The following FARS2 variants were observed in gnomAD, a reference collection of about 807,000 sequenced individuals.
FARS2 encodes the protein phenylalanyl-tRNA synthetase 2, mitochondrial, also known as phenylalanine--tRNA ligase, mitochondrial.
FARS2 carries 40 observed loss-of-function variants against 46.4 expected under a neutral mutation model. The ratio of observed to expected loss-of-function variants is 0.86; its 90% confidence interval spans 0.67 to 1.12. The LOEUF is 1.12. Among genes scored for constraint, FARS2 ranks in the 50% most tolerant of loss-of-function variants. FARS2 has a pLI of 0.00. For missense variants in FARS2, 513 were observed against 567.9 expected, an observed-to-expected ratio of 0.90 and a Z score of 0.98; for synonymous variants, 234 against 214.9, an observed-to-expected ratio of 1.09 and a Z score of -0.78.
At chr6:5,314,966 T>C (rs189757718) in intron 1 of FARS2, among the ~76,000 whole-genome samples, 2 of 152,302 alleles carry the variant, frequency 1.3e-5, no homozygotes, top group African/African-American at 4.8e-5. Context: ...TGTTCTCTCT[T>C]TAGGAAAATC....
chr6:5,587,590 A>G (rs780814963), intron 5 of FARS2, among the ~76,000 whole-genome samples: 5 of 152,228 alleles, frequency 3.3e-5, no homozygotes, highest in African/African-American at 4.8e-5. Context: ...ATTTGGAGAC[A>G]TAGATTTTCT....
At chr6:5,491,282 A>G (rs1767092050) in intron 4 of FARS2, among the ~76,000 whole-genome samples, 2 of 152,180 alleles carry the variant, frequency 1.3e-5, no homozygotes, top group South Asian at 4.1e-4. Context: ...AGTCATTTTT[A>G]TGTTTTCATT....
chr6:5,518,936 A>G (rs1466031830), intron 4 of FARS2, among the ~76,000 whole-genome samples: 1 of 152,224 alleles, frequency 6.6e-6, no homozygotes, highest in Non-Finnish European at 1.5e-5. Flanking sequence ...TTGAATGTTT[A>G]GAAGATTTTC....
At chr6:5,396,780 G>A (rs545714692) in intron 2 of FARS2, among the ~76,000 whole-genome samples, 158 of 152,302 alleles carry the variant, frequency 1.0e-3, no homozygotes, top group African/African-American at 3.8e-3. Context: ...CCTCTTGGTA[G>A]TAGTGGCAAG....
intron 5 of FARS2, among the ~76,000 whole-genome samples, chr6:5,577,834 C>T (rs746963089): frequency 1.3e-5 from 2 of 151,960 alleles, no homozygotes; most frequent in South Asian, 4.1e-4. Flanking sequence ...TGGAGTCTCA[C>T]TCTGTCGCCC....
rs114597177 is a variant in FARS2, at chr6:5,524,454, C to T, written c.905-20726C>T. 3.5e-3 allele frequency among the ~76,000 whole-genome samples: 538 copies of T among 152,314 alleles called. 2 individuals carry two copies. Among genetic ancestry groups the T allele is most frequent in the African/African-American group, 0.012 (506 of 41,568 alleles). ...AGAGGATTTAGAGAAGATGTATTAACGTAGGATATGAGTGATTTGTTCACA... is the reference window on the plus strand; with the variant it reads ...AGAGGATTTAGAGAAGATGTATTAATGTAGGATATGAGTGATTTGTTCACA... On this transcript the variant is annotated intron_variant, in intron 4 of 6. Coordinates refer to ENST00000274680, the MANE Select transcript of FARS2 (RefSeq NM_006567.5).
chr6:5,691,067 G>C (rs1485858299), intron 6 of FARS2, among the ~76,000 whole-genome samples: 1 of 151,962 alleles, frequency 6.6e-6, no homozygotes, highest in African/African-American at 2.4e-5. Context: ...TCCCTGCATT[G>C]GTTATTCCAG....
intron 1 of FARS2, among the ~76,000 whole-genome samples, chr6:5,367,482 T>C (rs551700098): frequency 6.6e-6 from 1 of 152,046 alleles, no homozygotes; most frequent in Admixed American, 6.6e-5. Context: ...AAGAAGACAC[T>C]GTGTGAGTGG....
intron 1 of FARS2, among the ~76,000 whole-genome samples, chr6:5,321,965 C>T (rs181418926): frequency 1.3e-5 from 2 of 152,184 alleles, no homozygotes; most frequent in African/African-American, 4.8e-5. Flanking sequence ...TCAACCAGCT[C>T]TTGGTGCTAA....
At chr6:5,315,468 T>G (rs748581663) in intron 1 of FARS2, among the ~76,000 whole-genome samples, 3 of 152,152 alleles carry the variant, frequency 2.0e-5, no homozygotes, top group Non-Finnish European at 4.4e-5. Context: ...TGTAATGAAA[T>G]TCACCACAGA....
chr6:5,386,148 T>G (rs1267609526), intron 2 of FARS2, among the ~76,000 whole-genome samples: 1 of 152,122 alleles, frequency 6.6e-6, no homozygotes, highest in African/African-American at 2.4e-5. Flanking sequence ...GGGGTAATAA[T>G]AGAAGGTGTC....
chr6:5,255,209 G>A, the FARS2 span, among the ~76,000 whole-genome samples: 2 of 152,090 alleles, frequency 1.3e-5, no homozygotes, highest in East Asian at 3.9e-4. Context: ...GACCTTTCAG[G>A]GGATCCACCA....
chr6:5,521,679 T>C (rs1769147351), intron 4 of FARS2, among the ~76,000 whole-genome samples: 1 of 152,208 alleles, frequency 6.6e-6, no homozygotes, highest in East Asian at 1.9e-4. Flanking sequence ...AGACTGTATA[T>C]GATTGTCAGT....
At chr6:5,279,390 AAAAG>A (rs1766566732) in intron 1 of FARS2, among the ~76,000 whole-genome samples, 2 of 149,694 alleles carry the variant, frequency 1.3e-5, no homozygotes, top group Admixed American at 6.7e-5. Flanking sequence ...AAAAAAAAGA[AAAAG>A]AAAAAGAAAA....
intron 4 of FARS2, among the ~76,000 whole-genome samples, chr6:5,476,294 A>G (rs559210508): frequency 1.8e-4 from 27 of 152,302 alleles, no homozygotes; most frequent in African/African-American, 4.1e-4. Context: ...CGTGTTTTCT[A>G]TTACCTGAGT....
intron 6 of FARS2, among the ~76,000 whole-genome samples, chr6:5,698,034 C>T (rs979857369): frequency 5.3e-5 from 8 of 152,136 alleles, no homozygotes; most frequent in African/African-American, 1.7e-4. Flanking sequence ...GTCTGATTCT[C>T]GCTCGCTGTG....
At chr6:5,479,914 C>CAGGAGA (rs1766350049) in intron 4 of FARS2, among the ~76,000 whole-genome samples, 1 of 152,090 alleles carries the variant, frequency 6.6e-6, no homozygotes. Context: ...CTCTGCTCCT[C>CAGGAGA]AGGAGAAGGA....
intron 2 of FARS2, among the ~76,000 whole-genome samples, chr6:5,400,375 T>A (rs1034264901): frequency 6.6e-6 from 1 of 152,166 alleles, no homozygotes; most frequent in Admixed American, 6.5e-5. Flanking sequence ...TCCTGACTTT[T>A]GTTCCCCTTC....
chr6:5,613,373 T>G (rs905439404), intron 6 of FARS2, 53 bp downstream of exon 6: 1 of 1,522,698 alleles, frequency 6.6e-7, no homozygotes, highest in Non-Finnish European at 9.0e-7. Context: ...GTGATAAATG[T>G]CATGTGGAAG....
Sources: allele counts gnomAD v4.1 joint callset (sites outside exome capture counted in the v4.1 genomes callset), GRCh38; gene constraint gnomAD v4.1.1; transcripts MANE v1.5; gene names NCBI Gene and HGNC (gene_info 2026-07-23, HGNC 2026-07-21).